CSMD1: variants seen among roughly 807,000 people sequenced by gnomAD.
The protein encoded by CSMD1 is CUB and sushi domain-containing protein 1.
A neutral mutation model predicts 417.5 loss-of-function variants in CSMD1; 213 were observed. That is an observed-to-expected ratio of 0.51 (90% CI 0.46 to 0.57). CSMD1 has a LOEUF of 0.57. CSMD1 is among the 20% of genes least tolerant of loss of function. The pLI, the probability that CSMD1 is intolerant of heterozygous loss-of-function variation, is 0.00. For synonymous variants in CSMD1, 2,862 were observed against 1,736.8 expected (o/e 1.65, Z -16.11); for missense variants, 6,923 against 4,529.7 (o/e 1.53, Z -15.17).
chr8:4,260,251 C>T (rs561047147), intron 3 of CSMD1, among the ~76,000 whole-genome samples: 6 of 152,064 alleles, frequency 3.9e-5, no homozygotes, highest in Non-Finnish European at 5.9e-5. Context: ...ACTTGCATTC[C>T]GCTTATTACT....
At chr8:4,793,237 T>C (rs1006105520) in intron 1 of CSMD1, among the ~76,000 whole-genome samples, 5 of 152,178 alleles carry the variant, frequency 3.3e-5, no homozygotes, top group African/African-American at 4.8e-5. Context: ...GAGTTAGTTT[T>C]CCTTCATATT....
chr8:4,338,760 C>G (rs1800314078), intron 3 of CSMD1, among the ~76,000 whole-genome samples: 2 of 151,948 alleles, frequency 1.3e-5, no homozygotes, highest in Admixed American at 1.3e-4. Context: ...ATATTAAATT[C>G]TCCTTGAACC....
chr8:3,273,543 T>C (rs372474049), intron 26 of CSMD1, among the ~76,000 whole-genome samples: 1 of 152,196 alleles, frequency 6.6e-6, no homozygotes, highest in Non-Finnish European at 1.5e-5. Context: ...TAGAATTCGG[T>C]TGTGAGTCCA....
chr8:3,774,926 C>T (rs1355754458), intron 5 of CSMD1, among the ~76,000 whole-genome samples: 1 of 152,116 alleles, frequency 6.6e-6, no homozygotes, highest in Non-Finnish European at 1.5e-5. Flanking sequence ...AAGAAGGCTA[C>T]TGACTGACCA....
intron 6 of CSMD1, among the ~76,000 whole-genome samples, chr8:3,729,415 T>C (rs1291284486): frequency 6.6e-6 from 1 of 152,216 alleles, no homozygotes; most frequent in African/African-American, 2.4e-5. Context: ...CACAACTCTC[T>C]GCATGTTAAA....
chr8:4,981,073 C>T (rs191567775), intron 1 of CSMD1, among the ~76,000 whole-genome samples: 4 of 152,158 alleles, frequency 2.6e-5, no homozygotes, highest in African/African-American at 4.8e-5. Context: ...CACCATGATG[C>T]GTGCATCTTT....
intron 4 of CSMD1, among the ~76,000 whole-genome samples, chr8:3,999,163 CT>C (rs1305234203): frequency 2.0e-5 from 3 of 151,436 alleles, no homozygotes; most frequent in African/African-American, 7.3e-5. Context: ...TTTCTTTCTT[CT>C]TTTTCTTTCT....
At chr8:4,080,471 T>G (rs1169191924) in intron 3 of CSMD1, among the ~76,000 whole-genome samples, 1 of 152,252 alleles carries the variant, frequency 6.6e-6, no homozygotes, top group Non-Finnish European at 1.5e-5. Context: ...TAAGGTTTTA[T>G]TAAGCTCTCT....
At chr8:3,303,588 T>C (rs577317976) in intron 25 of CSMD1, among the ~76,000 whole-genome samples, 69 of 152,336 alleles carry the variant, frequency 4.5e-4, no homozygotes, top group African/African-American at 1.6e-3. Context: ...CAGAAGTACA[T>C]TCAAAGTGAG....
rs531232536 is a variant in CSMD1 at position 4,601,240 on chromosome 8, G to A, written c.302+36102C>T. 2.6e-5 allele frequency among the ~76,000 whole-genome samples: 4 copies of A among 152,290 alleles called. No homozygotes were observed. In the South Asian group the frequency reaches 6.2e-4, roughly 24 times the overall value. On this transcript the variant is annotated intron_variant, in intron 2 of 69. Transcript: ENST00000635120. Reference sequence around the variant, plus strand: ...CAAAGTGCCGGGATTACAGGCGTGAGCCACCGCACCTGGCCAGATTTTTTT... The same window carrying A: ...CAAAGTGCCGGGATTACAGGCGTGAACCACCGCACCTGGCCAGATTTTTTT...
At chr8:4,431,414 G>A (rs1329293656) in intron 2 of CSMD1, among the ~76,000 whole-genome samples, 3 of 152,216 alleles carry the variant, frequency 2.0e-5, no homozygotes, top group East Asian at 1.9e-4. Flanking sequence ...TTAGATTGAA[G>A]GAGGAACAAG....
At chr8:3,211,153 T>C (rs1182931733) in intron 30 of CSMD1, among the ~76,000 whole-genome samples, 1 of 152,128 alleles carries the variant, frequency 6.6e-6, no homozygotes, top group Non-Finnish European at 1.5e-5. Flanking sequence ...CAAGTGATAC[T>C]CCCACTACAG....
rs1585677882 is a variant in CSMD1 at position 3,214,547 on chromosome 8, A to G, written c.4817T>C (p.Ile1606Thr). The change falls in exon 30 of 70, where the codon ATT becomes ACT. Residue 1606 changes from isoleucine (I) to threonine (T), a missense_variant. Physicochemically the swap from Ile to Thr is moderately conservative, Grantham distance 89. Coordinates refer to ENST00000635120, the MANE Select transcript of CSMD1 (RefSeq NM_033225.6). ...CCAGGAGGGTTTCCCATCAGCCCCA[A>G]TCACACAGGTGATGGATGAGGGGTC... ...ILDPSSITCV[I>T]GADGKPSWDQ... 6 of 1,599,384 alleles carry G rather than the reference A, an allele frequency of 3.8e-6. No homozygotes were observed. In the East Asian group the frequency reaches 6.8e-5, roughly 18 times the overall value.
chr8:3,293,974 TTGA>T (rs959455090), intron 25 of CSMD1, among the ~76,000 whole-genome samples: 11 of 152,272 alleles, frequency 7.2e-5, no homozygotes, highest in African/African-American at 2.4e-4. Flanking sequence ...CCTTTGGTCT[TTGA>T]TGATGATGAC....
chr8:4,991,680 G>GC (rs2117481612), intron 1 of CSMD1, among the ~76,000 whole-genome samples: 1 of 152,232 alleles, frequency 6.6e-6, no homozygotes, highest in Non-Finnish European at 1.5e-5. Context: ...CCGGGGCCCA[G>GC]CGCCGACGCC....
At chr8:3,372,162 G>A (rs546202362) in intron 18 of CSMD1, among the ~76,000 whole-genome samples, 6 of 152,242 alleles carry the variant, frequency 3.9e-5, no homozygotes, top group East Asian at 3.9e-4. Flanking sequence ...CAGCGGTGCC[G>A]TACTTAGGAA....
At chr8:4,382,307 G>C (rs17070111) in intron 3 of CSMD1, among the ~76,000 whole-genome samples, 12,823 of 152,246 alleles carry the variant, frequency 0.084, 713 homozygotes, top group South Asian at 0.21. Context: ...AGAAAAAAGA[G>C]AGGAGTTATA....
intron 2 of CSMD1, among the ~76,000 whole-genome samples, chr8:4,459,678 T>C (rs931742182): frequency 3.9e-5 from 6 of 152,084 alleles, no homozygotes; most frequent in Non-Finnish European, 8.8e-5. Context: ...CAAAGAAGTG[T>C]GGACATAAGA....
chr8:4,836,323 T>C (rs1434573811), intron 1 of CSMD1, among the ~76,000 whole-genome samples: 1 of 152,198 alleles, frequency 6.6e-6, no homozygotes, highest in Non-Finnish European at 1.5e-5. Flanking sequence ...ACTTTAGCAG[T>C]GCACCATTTC....
Sources: gnomAD v4.1 joint callset for allele counts (sites outside exome capture counted in the v4.1 genomes callset) on GRCh38, gnomAD v4.1.1 for gene constraint, MANE v1.5 for transcripts, NCBI Gene and HGNC (gene_info 2026-07-23, HGNC 2026-07-21) for gene names.